PAPPA2: variants seen among roughly 807,000 people sequenced by gnomAD.
The protein encoded by PAPPA2 is pappalysin 2, also known as pappalysin-2.
A neutral mutation model predicts 176.4 loss-of-function variants in PAPPA2; 86 were observed. That is an observed-to-expected ratio of 0.49 (90% confidence interval 0.41 to 0.58). The LOEUF is 0.58. PAPPA2 is among the 20% of genes least tolerant of loss of function. The probability of loss-of-function intolerance (pLI) is 0.00; values close to 1 mark genes in which losing one functional copy is unlikely to be tolerated. For missense variants in PAPPA2, 2,073 were observed against 2,256.9 expected (o/e 0.92, Z 1.65); for synonymous variants, 809 against 852.2 (o/e 0.95, Z 0.88).
chr1:176,810,287 G>C (rs1218079285), intron 21 of PAPPA2, among the ~76,000 whole-genome samples: 1 of 152,116 alleles, frequency 6.6e-6, no homozygotes, highest in African/African-American at 2.4e-5. Flanking sequence ...GGACTTCCAA[G>C]TGACAGCAGT....
At chr1:176,577,278 T>G (rs1430589589) in intron 2 of PAPPA2, among the ~76,000 whole-genome samples, 1 of 152,148 alleles carries the variant, frequency 6.6e-6, no homozygotes, top group African/African-American at 2.4e-5. Flanking sequence ...GCAAGCCCCA[T>G]GCTCTCCCTG....
chr1:176,487,372 A>G (rs910744241), intron 1 of PAPPA2, among the ~76,000 whole-genome samples: 3 of 152,122 alleles, frequency 2.0e-5, no homozygotes, highest in African/African-American at 7.2e-5. Context: ...ACTGTGGAAA[A>G]CTGACTCCTG....
intron 1 of PAPPA2, among the ~76,000 whole-genome samples, chr1:176,497,674 G>A (rs961939943): frequency 1.3e-5 from 2 of 152,156 alleles, no homozygotes; most frequent in African/African-American, 4.8e-5. Context: ...TTTCCACAGG[G>A]CAACAATTAA....
intron 1 of PAPPA2, among the ~76,000 whole-genome samples, chr1:176,498,772 A>G (rs1441964478): frequency 1.3e-5 from 2 of 151,728 alleles, no homozygotes; most frequent in Non-Finnish European, 2.9e-5. Flanking sequence ...AAAAAGAAGA[A>G]GAAATCTGAA....
At chr1:176,568,543 T>G (rs1652119422) in intron 2 of PAPPA2, among the ~76,000 whole-genome samples, 1 of 152,180 alleles carries the variant, frequency 6.6e-6, no homozygotes, top group Non-Finnish European at 1.5e-5. Context: ...TCACTATCTT[T>G]TATCTCAGGA....
In PAPPA2 at chr1:176,769,685, G is replaced by T. The variant is rs371564283; in HGVS notation, c.4402G>T (p.Asp1468Tyr). Residue 1468 changes from aspartate to tyrosine, a missense_variant, in exon 16 of 23, where the codon GAC (aspartate) becomes TAC (tyrosine). Physicochemically the swap from Asp to Tyr is radical, Grantham distance 160. Transcript: ENST00000367662. ...CCTTCCCGTGGACTGCGGTGTTCCC[G>T]ACCCGTCTTTGGTGAACTATGCAAA... Reference protein sequence around the residue: ...SCLPVDCGVPDPSLVNYANFS... With the variant: ...SCLPVDCGVPYPSLVNYANFS... 6.2e-7 allele frequency: 1 copy of T among 1,613,810 alleles called. No homozygotes were observed. Among genetic ancestry groups the T allele is most frequent in the African/African-American group, 1.3e-5 (1 of 74,876 alleles).
chr1:176,550,837 T>G (rs945234981), intron 1 of PAPPA2, among the ~76,000 whole-genome samples: 1 of 152,200 alleles, frequency 6.6e-6, no homozygotes, highest in African/African-American at 2.4e-5. Context: ...CTGAGTGTTA[T>G]GTGATTCTGA....
chr1:176,778,771 A>G (rs1440788549), intron 17 of PAPPA2, among the ~76,000 whole-genome samples: 2 of 152,210 alleles, frequency 1.3e-5, no homozygotes, highest in Admixed American at 6.5e-5. Context: ...TCTGTGAGAA[A>G]TAGAAATTTG....
At chr1:176,491,043 G>A (rs988119150) in intron 1 of PAPPA2, among the ~76,000 whole-genome samples, 3 of 152,208 alleles carry the variant, frequency 2.0e-5, no homozygotes, top group Non-Finnish European at 2.9e-5. Context: ...TCTCTAACTG[G>A]CTTTGCTGCC....
chr1:176,693,454 A>T (rs1214545014), intron 6 of PAPPA2, among the ~76,000 whole-genome samples: 1 of 152,226 alleles, frequency 6.6e-6, no homozygotes, highest in East Asian at 1.9e-4. Context: ...CTTATTTAGC[A>T]CATCTCTTCT....
intron 3 of PAPPA2, among the ~76,000 whole-genome samples, chr1:176,596,305 T>G (rs1418680136): frequency 6.6e-6 from 1 of 152,194 alleles, no homozygotes; most frequent in Non-Finnish European, 1.5e-5. Flanking sequence ...CAATCTGGCC[T>G]CTGTCTACCT....
chr1:176,820,078 G>T (rs1666595005), intron 21 of PAPPA2, among the ~76,000 whole-genome samples: 1 of 151,902 alleles, frequency 6.6e-6, no homozygotes, highest in South Asian at 2.1e-4. Context: ...CTATTTCATT[G>T]AACAGAGTGA....
intron 1 of PAPPA2, among the ~76,000 whole-genome samples, chr1:176,465,260 C>T (rs144110157): frequency 6.6e-6 from 1 of 152,124 alleles, no homozygotes; most frequent in African/African-American, 2.4e-5. Flanking sequence ...TCTTAGGATA[C>T]ACTTCAAAAA....
chr1:176,765,134 T>C (rs1241034769), intron 14 of PAPPA2, among the ~76,000 whole-genome samples: 3 of 152,234 alleles, frequency 2.0e-5, no homozygotes, highest in Admixed American at 6.5e-5. Flanking sequence ...GTGAAAATAT[T>C]TCCATACCAA....
chr1:176,609,505 A>C (rs945014064), intron 3 of PAPPA2, among the ~76,000 whole-genome samples: 5 of 152,218 alleles, frequency 3.3e-5, no homozygotes, highest in Non-Finnish European at 7.3e-5. Context: ...GTATCCATAG[A>C]AAGTCTTACT....
At position 176,463,343 on chromosome 1, in the gene PAPPA2, G is replaced by T. The variant is rs982202134; in HGVS notation, c.-992G>T. ...CAGGATTGAGGTCCTACGGGTGTTT[G>T]GGGACCTCCCCAAGCCCACGAGTAT... On this transcript the variant is annotated 5_prime_UTR_variant, in exon 1 of 23. Coordinates refer to ENST00000367662, the MANE Select transcript of PAPPA2 (RefSeq NM_020318.3). 6.6e-6 allele frequency: 1 copy of T among 152,252 alleles called. No individual in the cohort carries two copies. Among genetic ancestry groups the T allele is most frequent in the African/African-American group, 2.4e-5 (1 of 41,462 alleles). 9.4% of individuals were successfully genotyped at this position (152,252 alleles called of 1,614,324 possible).
chr1:176,499,328 G>T (rs1335930301), intron 1 of PAPPA2, among the ~76,000 whole-genome samples: 1 of 152,200 alleles, frequency 6.6e-6, no homozygotes, highest in Non-Finnish European at 1.5e-5. Flanking sequence ...TTTGGGCTAT[G>T]TGGCAAGTCA....
At chr1:176,560,394 G>A (rs1219671398) in intron 2 of PAPPA2, among the ~76,000 whole-genome samples, 2 of 152,230 alleles carry the variant, frequency 1.3e-5, no homozygotes, top group Admixed American at 1.3e-4. Context: ...GGCTTTGGGT[G>A]CTGAACGTCT....
chr1:176,813,154 G>A (rs965108949), intron 21 of PAPPA2, among the ~76,000 whole-genome samples: 2 of 152,090 alleles, frequency 1.3e-5, no homozygotes, highest in Non-Finnish European at 2.9e-5. Flanking sequence ...GTATTCCTTG[G>A]TGCATATGTA....
Sources: allele counts gnomAD v4.1 joint callset (sites outside exome capture counted in the v4.1 genomes callset), GRCh38; gene constraint gnomAD v4.1.1; transcripts MANE v1.5; gene names NCBI Gene and HGNC (gene_info 2026-07-23, HGNC 2026-07-21).